SCAF11: variants seen among roughly 807,000 people sequenced by gnomAD.
SCAF11 encodes the protein SR-related CTD associated factor 11, also known as protein SCAF11.
A neutral mutation model predicts 140.5 loss-of-function variants in SCAF11; 47 were observed. The ratio of observed to expected loss-of-function variants is 0.33; its 90% CI spans 0.26 to 0.43. The LOEUF is 0.43. Ranked by LOEUF, SCAF11 falls within the 20% of genes least tolerant of loss-of-function variation. The pLI is 1.00. For synonymous variants in SCAF11, 557 were observed against 579.4 expected (o/e 0.96, Z 0.55); for missense variants, 1,645 against 1,705.1 (o/e 0.96, Z 0.62).
At chr12:45,964,666 CAA>C (rs557847692) in intron 1 of SCAF11, among the ~76,000 whole-genome samples, 1 of 110,780 alleles carries the variant, frequency 9.0e-6, no homozygotes. Context: ...GACTCTGTCT[CAA>C]AAAAAAAAAA....
chr12:45,932,011 C>T (rs552855092), intron 9 of SCAF11, among the ~76,000 whole-genome samples: 5 of 152,138 alleles, frequency 3.3e-5, no homozygotes, highest in African/African-American at 9.6e-5. Context: ...TTTAAGCGTA[C>T]ATTTGCTAAC....
chr12:45,962,281 A>G (rs2136614945), intron 2 of SCAF11, among the ~76,000 whole-genome samples: 1 of 152,342 alleles, frequency 6.6e-6, no homozygotes, highest in South Asian at 2.1e-4. Context: ...AAATGCAAGA[A>G]TACTATACAC....
chr12:45,985,225 A>C (rs1422029401), intron 1 of SCAF11, among the ~76,000 whole-genome samples: 1 of 152,182 alleles, frequency 6.6e-6, no homozygotes, highest in Non-Finnish European at 1.5e-5. Context: ...CTCCATTACC[A>C]AATTTATAAC....
At chr12:45,991,455 G>A (rs1454981249), upstream of SCAF11, among the ~76,000 whole-genome samples, 1 of 152,112 alleles carries the variant, frequency 6.6e-6, no homozygotes, top group Non-Finnish European at 1.5e-5. Flanking sequence ...CCAGCTCCTC[G>A]GGAAGATGAG....
chr12:45,981,653 C>T (rs950175468), intron 1 of SCAF11, among the ~76,000 whole-genome samples: 3 of 151,902 alleles, frequency 2.0e-5, no homozygotes, highest in Non-Finnish European at 2.9e-5. Flanking sequence ...AAAAATTAGC[C>T]GAGTGTGGTG....
Position 45,964,152 on chromosome 12 carries a change from C to T in SCAF11, c.16G>A (p.Val6Ile). 1 of 1,529,548 alleles carries T rather than the reference C, an allele frequency of 6.5e-7. No homozygotes were observed. Among genetic ancestry groups the T allele is most frequent in the Non-Finnish European group, 9.0e-7 (1 of 1,110,146 alleles). The allele number at this position is 1,529,548 out of a possible 1,614,324, so 94.7% of individuals were successfully genotyped here. ...TTATCTCCCATATTTAGGGTACATA[C>T]AGTTTTCTTCTTCATTTCTCTTTGG... MKKKT[V>I]CTLNMGDKKY... The change falls in exon 2 of 15, where the codon GTA becomes ATA. Residue 6 changes from valine (V) to isoleucine (I), a missense_variant. By Grantham distance (29) the Val-to-Ile change is conservative. This residue lies in a region of SCAF11 where 1,582 missense variants were observed against 1,609.2 expected (regional missense o/e 0.98). Transcript: ENST00000369367.
In SCAF11 at chr12:45,928,447, C is replaced by G. The variant is rs1413348103; in HGVS notation, c.1254G>C (p.Val418=). The G allele has an allele frequency of 2.5e-6, 4 of 1,612,396 alleles. No homozygotes were observed. In the Admixed American group the frequency reaches 6.7e-5, roughly 27 times the overall value. ...CATCTGGTTGGTGCTCTTTTTCTAA[C>G]ACAGGTGATGTGTCAGATTCTGCTG... is the stretch of plus-strand genomic sequence containing the variant. ...EETAESDTSP[V]LEKEHQPDVD... The change falls in exon 11 of 15, where the codon GTG becomes GTC. Residue 418 remains valine (V), a synonymous_variant. Transcript: ENST00000369367.
chr12:45,960,686 A>G (rs969945131), intron 3 of SCAF11: 3 of 152,134 alleles, frequency 2.0e-5, no homozygotes, highest in African/African-American at 7.2e-5. Flanking sequence ...TTCAATTTGT[A>G]TAACAAATCT....
chr12:45,927,597 T>C lies in SCAF11; in HGVS notation c.2104A>G (p.Ile702Val). The change falls in exon 11 of 15, where the codon ATT (isoleucine) becomes GTT (valine). Residue 702 changes from isoleucine to valine, a missense_variant. Around this residue, in one of 2 missense-constraint regions of SCAF11, gnomAD observed 1,582 missense variants for 1,609.2 expected, o/e 0.98. Transcript: ENST00000369367. ...PRSTELPKTHIEQIQKHFSED... is the reference protein window; with the variant it reads ...PRSTELPKTHVEQIQKHFSED... The stretch of plus-strand genomic sequence containing the variant: ...CTAAAATGCTTCTGAATCTGTTCAA[T>C]GTGTGTTTTAGGCAACTCTGTAGAT... The C allele has an allele frequency of 1.9e-6, 3 of 1,613,444 alleles. No homozygotes were observed. The highest frequency in any genetic ancestry group is 1.7e-6 in the Non-Finnish European group (2 of 1,179,994).
chr12:45,957,751 T>A (rs1441924880), intron 3 of SCAF11, among the ~76,000 whole-genome samples: 2 of 152,136 alleles, frequency 1.3e-5, no homozygotes, highest in African/African-American at 4.8e-5. Context: ...ATCAAGAACA[T>A]CCTCATCACA....
At chr12:45,990,893 C>T (rs1052696028), upstream of SCAF11, among the ~76,000 whole-genome samples, 5 of 152,252 alleles carry the variant, frequency 3.3e-5, no homozygotes, top group African/African-American at 7.2e-5. Context: ...CGCCCTTCGC[C>T]CACACTGCGG....
At chr12:45,985,275 T>C (rs536301922) in intron 1 of SCAF11, among the ~76,000 whole-genome samples, 1 of 152,336 alleles carries the variant, frequency 6.6e-6, no homozygotes, top group South Asian at 2.1e-4. Flanking sequence ...TTATCATTAC[T>C]TACTAAATTT....
In SCAF11 at chr12:45,953,551, T is replaced by C. The variant is rs550780763; in HGVS notation, c.220-1824A>G. 1.1e-4 allele frequency among the ~76,000 whole-genome samples: 16 copies of C among 152,238 alleles called. No individual in the cohort carries two copies. In the South Asian group the frequency reaches 2.3e-3, roughly 22 times the overall value. On this transcript the variant is annotated intron_variant, in intron 3 of 14. Coordinates refer to ENST00000369367, the MANE Select transcript of SCAF11 (RefSeq NM_004719.3). ...AGAGTGAGATCCCATCTCTGAAACA[T>C]AGATAAATAAAATTAAAAGTGTAAT...
In SCAF11 at chr12:45,919,554, T is replaced by C. The variant is rs1944656480; in HGVS notation, c.*2494A>G. ...TCCACAAAATGTTTCTGATTAAGTTTGTGCCCATGCAAAATTAACATAAAT... is the reference window on the plus strand; with the variant it reads ...TCCACAAAATGTTTCTGATTAAGTTCGTGCCCATGCAAAATTAACATAAAT... On this transcript the variant is annotated 3_prime_UTR_variant, in exon 15 of 15. Transcript: ENST00000369367. 6.6e-6 allele frequency: 1 copy of C among 152,268 alleles called. No homozygotes were observed. The highest frequency in any genetic ancestry group is 2.4e-5 in the African/African-American group (1 of 41,464). 9.4% of individuals were successfully genotyped at this position (152,268 alleles called of 1,614,324 possible).
In SCAF11 at chr12:45,925,820, TAA is replaced by T. The variant is rs1455014783; in HGVS notation, c.3559+320_3559+321del. On this transcript the variant is annotated intron_variant, in intron 11 of 14. Coordinates refer to ENST00000369367, the MANE Select transcript of SCAF11 (RefSeq NM_004719.3). Reference sequence around the variant, plus strand: ...GTATGAGAACAATTATCAAAAAAATTAAAAGTGTACATATCTGAAATAAACAA... The same window carrying T: ...GTATGAGAACAATTATCAAAAAAATTAAGTGTACATATCTGAAATAAACAA... Among the ~76,000 whole-genome samples the T allele has an allele frequency of 3.3e-5, 5 of 152,202 alleles. 1 individual carries two copies. The highest frequency in any genetic ancestry group is 9.6e-5 in the African/African-American group (4 of 41,538).
chr12:45,951,614 T>G, intron 4 of SCAF11, 36 bp downstream of exon 4: 1 of 1,354,702 alleles, frequency 7.4e-7, no homozygotes, highest in Non-Finnish European at 1.0e-6. Context: ...TCAATTAATT[T>G]TTATATAATT....
chr12:45,983,742 A>AACAAAC, intron 1 of SCAF11, among the ~76,000 whole-genome samples: 1 of 133,994 alleles, frequency 7.5e-6, no homozygotes. Flanking sequence ...CTAAACCTAA[A>AACAAAC]ACACACACAC....
chr12:45,928,388 T>C lies in SCAF11; in HGVS notation c.1313A>G (p.His438Arg), dbSNP rs774083162. Residue 438 changes from histidine to arginine, a missense_variant, in exon 11 of 15, where the codon CAT (histidine) becomes CGT (arginine). Transcript: ENST00000369367. The part of the protein sequence containing the change: ...DSSNICTVQT[H>R]VENQSANCLK... Reference sequence around the variant, plus strand: ...GCAATTAGCAGACTGGTTTTCTACATGAGTCTGCACAGTACAAATGTTACT... The same window carrying C: ...GCAATTAGCAGACTGGTTTTCTACACGAGTCTGCACAGTACAAATGTTACT... The C allele has an allele frequency of 5.0e-6, 8 of 1,613,988 alleles. No individual in the cohort carries two copies. Among genetic ancestry groups the C allele is most frequent in the Non-Finnish European group, 6.8e-6 (8 of 1,179,934 alleles).
intron 2 of SCAF11, among the ~76,000 whole-genome samples, chr12:45,963,014 C>A (rs1176079042): frequency 6.6e-6 from 1 of 152,054 alleles, no homozygotes; most frequent in Admixed American, 6.6e-5. Flanking sequence ...ATAAAATGGA[C>A]AATCAGCAGA....
Sources: gnomAD v4.1 joint callset for allele counts (sites outside exome capture counted in the v4.1 genomes callset) on GRCh38, gnomAD v4.1.1 for gene constraint, gnomAD v4.1.1 regional missense constraint, MANE v1.5 for transcripts, NCBI Gene and HGNC (gene_info 2026-07-23, HGNC 2026-07-21) for gene names.